THSD4: variants seen among roughly 807,000 people sequenced by gnomAD.
THSD4 encodes thrombospondin type-1 domain-containing protein 4.
THSD4 carries 69 observed loss-of-function variants against 119.0 expected under a neutral mutation model. The observed-to-expected ratio is 0.58, with a 90% CI of 0.48 to 0.71. The LOEUF is 0.71. Among genes scored for constraint, THSD4 ranks in the 30% least tolerant of loss-of-function variants. The pLI is 0.00. For missense variants in THSD4, 1,393 were observed against 1,391.1 expected (o/e 1.00, Z -0.02); for synonymous variants, 524 against 540.4 (o/e 0.97, Z 0.42).
chr15:71,111,125 T>A, upstream of THSD4: 1 of 1,590,320 alleles, frequency 6.3e-7, no homozygotes, highest in Non-Finnish European at 8.6e-7. Flanking sequence ...CCAAAAGTTG[T>A]CTTGTACCAG....
chr15:71,440,420 A>G (rs1287675351), intron 7 of THSD4, among the ~76,000 whole-genome samples: 9 of 152,174 alleles, frequency 5.9e-5, no homozygotes. Flanking sequence ...ATAAAATACA[A>G]TGCATGGTGT....
chr15:71,611,764 A>G (rs1335574590), intron 7 of THSD4, among the ~76,000 whole-genome samples: 1 of 152,242 alleles, frequency 6.6e-6, no homozygotes, highest in Non-Finnish European at 1.5e-5. Flanking sequence ...GAATGAGGAC[A>G]AATAAGGCAG....
intron 8 of THSD4, among the ~76,000 whole-genome samples, chr15:71,688,609 AG>A (rs1203450936): frequency 6.6e-6 from 1 of 152,214 alleles, no homozygotes; most frequent in Non-Finnish European, 1.5e-5. Context: ...AATTAAAAAT[AG>A]TAACATTCTT....
intron 2 of THSD4, among the ~76,000 whole-genome samples, chr15:71,150,173 C>A (rs112945666): frequency 0.015 from 2,281 of 152,278 alleles, 42 homozygotes; most frequent in Middle Eastern, 0.041. Flanking sequence ...TTTGCCAAAG[C>A]AAACTATCAA....
chr15:71,536,904 T>A (rs934921570), intron 7 of THSD4, among the ~76,000 whole-genome samples: 5 of 152,198 alleles, frequency 3.3e-5, no homozygotes, highest in Admixed American at 1.3e-4. Flanking sequence ...CCCTTATTGA[T>A]GTAGCCTACT....
intron 6 of THSD4, among the ~76,000 whole-genome samples, chr15:71,380,266 A>C (rs1026194491): frequency 6.6e-6 from 1 of 152,146 alleles, no homozygotes; most frequent in Non-Finnish European, 1.5e-5. Flanking sequence ...GAGATTGATC[A>C]AAACTTTGGG....
intron 6 of THSD4, among the ~76,000 whole-genome samples, chr15:71,326,109 T>C (rs2045333630): frequency 6.6e-6 from 1 of 152,158 alleles, no homozygotes; most frequent in African/African-American, 2.4e-5. Context: ...TAGCACGAAG[T>C]AGATGGCGTG....
intron 10 of THSD4, among the ~76,000 whole-genome samples, chr15:71,734,116 A>C (rs945510268): frequency 2.0e-5 from 3 of 151,964 alleles, no homozygotes; most frequent in African/African-American, 7.3e-5. Flanking sequence ...GCCCCCTTGT[A>C]GTTTTAACTG....
At chr15:71,481,756 T>C (rs984952278) in intron 7 of THSD4, among the ~76,000 whole-genome samples, 1 of 152,244 alleles carries the variant, frequency 6.6e-6, no homozygotes, top group Non-Finnish European at 1.5e-5. Context: ...ATTATTTCTA[T>C]TGGCTAGAGT....
intron 7 of THSD4, among the ~76,000 whole-genome samples, chr15:71,611,397 G>A (rs1290771964): frequency 6.6e-6 from 1 of 152,142 alleles, no homozygotes; most frequent in Non-Finnish European, 1.5e-5. Context: ...TTTTCCATTT[G>A]CTGCTGCCTA....
chr15:71,542,038 G>A (rs568285162), intron 7 of THSD4, among the ~76,000 whole-genome samples: 7 of 152,120 alleles, frequency 4.6e-5, no homozygotes, highest in Non-Finnish European at 1.0e-4. Flanking sequence ...AAGATTTTAA[G>A]GAGCAGAGGA....
intron 3 of THSD4, among the ~76,000 whole-genome samples, chr15:71,212,064 G>A (rs758488053): frequency 1.4e-4 from 21 of 152,158 alleles, no homozygotes; most frequent in Non-Finnish European, 2.5e-4. Context: ...AGGAAGGAGT[G>A]GAGGGAGGCT....
intron 15 of THSD4, among the ~76,000 whole-genome samples, chr15:71,762,820 G>C (rs1442597736): frequency 6.6e-6 from 1 of 152,152 alleles, no homozygotes; most frequent in East Asian, 1.9e-4. Context: ...TATAATCCCA[G>C]CACTTTGGGA....
chr15:71,328,511 A>G (rs1365191577), intron 6 of THSD4, among the ~76,000 whole-genome samples: 4 of 152,170 alleles, frequency 2.6e-5, no homozygotes, highest in Admixed American at 1.3e-4. Context: ...TCAAGCATCC[A>G]CTATGTTCCA....
intron 7 of THSD4, among the ~76,000 whole-genome samples, chr15:71,634,187 CAAAAAAA>C (rs60080654): frequency 1.6e-5 from 2 of 126,106 alleles, no homozygotes; most frequent in Non-Finnish European, 1.7e-5. Context: ...AACTCCGTCT[CAAAAAAA>C]AAAAAAAAAG....
At chr15:71,307,293 C>A (rs1436119068) in intron 6 of THSD4, among the ~76,000 whole-genome samples, 1 of 152,136 alleles carries the variant, frequency 6.6e-6, no homozygotes, top group Non-Finnish European at 1.5e-5. Flanking sequence ...GCTGTGTGAC[C>A]TCTGTGTCAC....
intron 4 of THSD4, among the ~76,000 whole-genome samples, chr15:71,239,619 A>T (rs2140271837): frequency 6.6e-6 from 1 of 152,318 alleles, no homozygotes; most frequent in South Asian, 2.1e-4. Context: ...CCTAAAGTAA[A>T]ATCCCAGAGA....
At chr15:71,522,721 C>T (rs768027309) in intron 7 of THSD4, among the ~76,000 whole-genome samples, 25 of 152,172 alleles carry the variant, frequency 1.6e-4, no homozygotes, top group Non-Finnish European at 2.1e-4. Flanking sequence ...TTTCTGTGTG[C>T]CTCCTGGAAT....
intron 6 of THSD4, among the ~76,000 whole-genome samples, chr15:71,410,127 A>T (rs1429771407): frequency 6.6e-6 from 1 of 152,162 alleles, no homozygotes; most frequent in African/African-American, 2.4e-5. Context: ...AAATATATCT[A>T]GCAGGAGGAG....
Sources: gnomAD v4.1 joint callset for allele counts (sites outside exome capture counted in the v4.1 genomes callset) on GRCh38, gnomAD v4.1.1 for gene constraint, MANE v1.5 for transcripts, NCBI Gene and HGNC (gene_info 2026-07-23, HGNC 2026-07-21) for gene names.